Variants in PCNX1 observed in about 807,000 individuals in gnomAD.
The protein encoded by PCNX1 is pecanex 1.
In PCNX1, 78 loss-of-function variants were observed where a neutral mutation model predicts 242.2. The ratio of observed to expected loss-of-function variants is 0.32; its 90% CI spans 0.27 to 0.39. The LOEUF is 0.39. Ranked by LOEUF, PCNX1 falls within the 10% of genes least tolerant of loss-of-function variation. The pLI is 1.00. For missense variants in PCNX1, 2,581 were observed against 2,856.5 expected, an observed-to-expected ratio of 0.90 and a Z score of 2.20; for synonymous variants, 1,024 against 1,032.9, an observed-to-expected ratio of 0.99 and a Z score of 0.17.
intron 28 of PCNX1, among the ~76,000 whole-genome samples, chr14:71,078,216 C>T (rs180682354): frequency 6.6e-6 from 1 of 152,192 alleles, no homozygotes; most frequent in East Asian, 1.9e-4. Flanking sequence ...GCTCTAGTTT[C>T]TCTTTTAAGT....
At chr14:70,973,631 G>A (rs2058604965) in intron 5 of PCNX1, among the ~76,000 whole-genome samples, 1 of 151,854 alleles carries the variant, frequency 6.6e-6, no homozygotes, top group South Asian at 2.1e-4. Context: ...GTAAAGATGA[G>A]GGATTTCGAT....
intron 26 of PCNX1, among the ~76,000 whole-genome samples, chr14:71,069,007 A>G (rs2061525731): frequency 6.6e-6 from 1 of 152,142 alleles, no homozygotes; most frequent in Admixed American, 6.6e-5. Flanking sequence ...AAGAGATTTA[A>G]TGGACTTAAC....
At position 71,113,241 on chromosome 14, in the gene PCNX1, T is replaced by G. The variant is rs1341172115; in HGVS notation, c.*3306T>G. On this transcript the variant is annotated 3_prime_UTR_variant, in exon 36 of 36. Transcript: ENST00000304743. Reference sequence around the variant, plus strand: ...TTTGTTACTGGAGGATGATAATCTATTTCTATTAGATTCGAAGTATTTTGG... The same window carrying G: ...TTTGTTACTGGAGGATGATAATCTAGTTCTATTAGATTCGAAGTATTTTGG... 6.6e-6 allele frequency: 1 copy of G among 152,218 alleles called. No homozygotes were observed. The highest frequency in any genetic ancestry group is 1.5e-5 in the Non-Finnish European group (1 of 68,026). The allele number at this position is 152,218 out of a possible 1,614,324, so 9.4% of individuals were successfully genotyped here. A position where few individuals can be genotyped will look rare whatever the true frequency, so the allele number is the denominator to read the frequency against.
chr14:71,073,706 A>C lies in PCNX1; in HGVS notation c.5014A>C (p.Ile1672Leu), dbSNP rs536327527. ...LAWEVIVTKY[I>L]LEGYSITDNS... Reference sequence around the variant, plus strand: ...TTGGGAAGTGATAGTCACAAAGTACATTCTGGAGGGTTATAGCATCACTGA... The same window carrying C: ...TTGGGAAGTGATAGTCACAAAGTACCTTCTGGAGGGTTATAGCATCACTGA... Residue 1672 changes from isoleucine (I) to leucine (L), a missense_variant, in exon 27 of 36, where the codon ATT becomes CTT. Transcript: ENST00000304743. 3 of 1,614,030 alleles carry C rather than the reference A, an allele frequency of 1.9e-6. No homozygotes were observed. The African/African-American group carries it at 4.0e-5, about 22-fold the overall frequency.
intron 33 of PCNX1, among the ~76,000 whole-genome samples, chr14:71,105,672 A>G (rs2141866827): frequency 6.6e-6 from 1 of 151,248 alleles, no homozygotes; most frequent in South Asian, 2.1e-4. Flanking sequence ...CCTCCTGAGT[A>G]GCTGGGACTA....
rs2062800589 is a variant in PCNX1, at chr14:71,113,789, T to A, written c.*3854T>A. The A allele has an allele frequency of 6.6e-6, 1 of 152,240 alleles. No homozygotes were observed. The highest frequency in any genetic ancestry group is 6.5e-5 in the Admixed American group (1 of 15,282). The allele number at this position is 152,240 out of a possible 1,614,324, so 9.4% of individuals were successfully genotyped here. On this transcript the variant is annotated 3_prime_UTR_variant, in exon 36 of 36. Coordinates refer to ENST00000304743, the MANE Select transcript of PCNX1 (RefSeq NM_014982.3). ...CTTAACCATAAACTGCTGTCCAGAT[T>A]GTTAATTTCATTTATATTTATTTTA...
At chr14:70,917,724 A>C (rs1030918198) in intron 1 of PCNX1, among the ~76,000 whole-genome samples, 3 of 152,202 alleles carry the variant, frequency 2.0e-5, no homozygotes, top group African/African-American at 7.2e-5. Flanking sequence ...TTTAACTTAC[A>C]GTCACCAGTT....
chr14:70,927,390 T>C (rs568881560), intron 1 of PCNX1, among the ~76,000 whole-genome samples: 70 of 152,276 alleles, frequency 4.6e-4, no homozygotes, highest in African/African-American at 1.7e-3. Context: ...ATGTGCGTAA[T>C]TGTAGTACTT....
At chr14:71,059,872 A>C (rs1288261026) in intron 26 of PCNX1, among the ~76,000 whole-genome samples, 1 of 152,160 alleles carries the variant, frequency 6.6e-6, no homozygotes, top group East Asian at 1.9e-4. Context: ...CACTGTAGCC[A>C]CACTGGCCTT....
At chr14:70,948,843 GTA>G (rs1491425393) in intron 2 of PCNX1, among the ~76,000 whole-genome samples, 19 of 137,020 alleles carry the variant, frequency 1.4e-4, no homozygotes, top group Admixed American at 6.3e-4. Flanking sequence ...TAAATAAAAT[GTA>G]TGTGTGTATA....
At chr14:70,941,605 C>T (rs996532748) in intron 1 of PCNX1, among the ~76,000 whole-genome samples, 12 of 152,178 alleles carry the variant, frequency 7.9e-5, no homozygotes, top group African/African-American at 2.9e-4. Flanking sequence ...GGCAGTTTGT[C>T]CATTCTCAGA....
chr14:71,032,422 C>G (rs2060413317), intron 16 of PCNX1, among the ~76,000 whole-genome samples: 1 of 152,084 alleles, frequency 6.6e-6, no homozygotes, highest in Non-Finnish European at 1.5e-5. Flanking sequence ...GTTTTCTCAT[C>G]TATAAATTGG....
rs531165168 is a variant in PCNX1, at chr14:71,019,129, C to T, written c.3117C>T (p.Leu1039=). 1.9e-5 allele frequency: 30 copies of T among 1,611,620 alleles called. No homozygotes were observed. Among genetic ancestry groups the T allele is most frequent in the East Asian group, 1.3e-4 (6 of 44,664 alleles). Residue 1039 remains leucine (L), a synonymous_variant, in exon 12 of 36, where the codon CTC becomes CTT. Transcript: ENST00000304743. The stretch of plus-strand genomic sequence containing the variant: ...ATATCTGGGTCTTCCAGTTCTGCCT[C>T]GTCATAGCCAGCTGTCAATACTCAC... ...FRDIWVFQFC[L]VIASCQYSLL... is the part of the protein sequence containing the mutation.
At position 71,090,539 on chromosome 14, in the gene PCNX1, A is replaced by G. The variant is rs141893931; in HGVS notation, c.5589+1197A>G. 3.1e-3 allele frequency among the ~76,000 whole-genome samples: 469 copies of G among 152,312 alleles called. 5 individuals carry two copies. The highest frequency in any genetic ancestry group is 0.011 in the African/African-American group (450 of 41,568). On this transcript the variant is annotated intron_variant, in intron 30 of 35. Coordinates refer to ENST00000304743, the MANE Select transcript of PCNX1 (RefSeq NM_014982.3). ...AAATCTCTGTGAAAAATGGAATACT[A>G]TTTGAGGATGTTGCCCTGGGGAAAT...
At chr14:71,026,946 A>AC in intron 15 of PCNX1, 64 bp downstream of exon 15, 1 of 701,480 alleles carries the variant, frequency 1.4e-6, no homozygotes, top group Non-Finnish European at 2.4e-6. Flanking sequence ...GAAGTAATAA[A>AC]CTGACCATTA....
intron 6 of PCNX1, among the ~76,000 whole-genome samples, chr14:70,984,103 T>C (rs1232687573): frequency 6.6e-6 from 1 of 151,430 alleles, no homozygotes; most frequent in Non-Finnish European, 1.5e-5. Flanking sequence ...TTTCATACTT[T>C]TGTCATCTTT....
At chr14:71,067,241 C>T (rs1679286486) in intron 26 of PCNX1, among the ~76,000 whole-genome samples, 1 of 152,094 alleles carries the variant, frequency 6.6e-6, no homozygotes, top group Admixed American at 6.5e-5. Flanking sequence ...CTGTCCAGTC[C>T]TGGACTCTCT....
Position 71,040,012 on chromosome 14 carries a change from A to G in PCNX1, c.3867+3855A>G, listed in dbSNP as rs772055096. Among the ~76,000 whole-genome samples, 15 of 152,156 alleles carry G rather than the reference A, an allele frequency of 9.9e-5. 1 individual carries two copies. In the Middle Eastern group the frequency reaches 0.017, roughly 173 times the overall value. On this transcript the variant is annotated intron_variant, in intron 19 of 35. Transcript: ENST00000304743. ...TTTTATTTAGGGATGAAGTCTCACT[A>G]TGTTGCCCAGGCTGGTCTAGAACTC...
At chr14:70,979,193 AC>A (rs2058766522) in intron 6 of PCNX1, among the ~76,000 whole-genome samples, 1 of 152,098 alleles carries the variant, frequency 6.6e-6, no homozygotes, top group Non-Finnish European at 1.5e-5. Flanking sequence ...TTTAGGCGTT[AC>A]GAAAATACTA....
Sources: gnomAD v4.1 joint callset for allele counts (sites outside exome capture counted in the v4.1 genomes callset) on GRCh38, gnomAD v4.1.1 for gene constraint, MANE v1.5 for transcripts, NCBI Gene and HGNC (gene_info 2026-07-23, HGNC 2026-07-21) for gene names.